The following WDPCP variants were observed in gnomAD, a reference collection of about 807,000 sequenced individuals.
WDPCP encodes the protein WD repeat-containing and planar cell polarity effector protein fritz homolog.
WDPCP carries 71 observed loss-of-function variants against 93.1 expected under a neutral mutation model. The observed-to-expected ratio is 0.76, with a 90% CI of 0.63 to 0.93. WDPCP has a LOEUF of 0.93. WDPCP is among the 40% of genes least tolerant of loss of function. The probability of loss-of-function intolerance (pLI) is 0.00; values close to 1 mark genes in which losing one functional copy is unlikely to be tolerated. For missense variants in WDPCP, 844 were observed against 887.4 expected (o/e 0.95, Z 0.62); for synonymous variants, 315 against 315.0 (o/e 1.00, Z 0.00).
chr2:63,271,689 C>T (rs1386391260), intron 13 of WDPCP, among the ~76,000 whole-genome samples: 1 of 152,204 alleles, frequency 6.6e-6, no homozygotes, highest in Non-Finnish European at 1.5e-5. Context: ...TGCCCACTGC[C>T]ACTGCTTCCA....
chr2:63,280,480 G>C (rs897859799), intron 13 of WDPCP, among the ~76,000 whole-genome samples: 2 of 151,972 alleles, frequency 1.3e-5, no homozygotes, highest in Non-Finnish European at 1.5e-5. Context: ...TTGAGATTTG[G>C]GTGGGGACAC....
At chr2:63,596,819 G>C (rs536562973) in intron 3 of WDPCP, among the ~76,000 whole-genome samples, 5 of 152,304 alleles carry the variant, frequency 3.3e-5, no homozygotes, top group African/African-American at 1.2e-4. Flanking sequence ...CATAGTGGTT[G>C]AACTCTGGAC....
At chr2:63,587,759 C>T (rs1708965997) in intron 1 of WDPCP, among the ~76,000 whole-genome samples, 1 of 152,218 alleles carries the variant, frequency 6.6e-6, no homozygotes, top group Non-Finnish European at 1.5e-5. Context: ...ACCAGTGTCT[C>T]CCCTTCAGTC....
chr2:63,209,039 C>G (rs1034395236), intron 14 of WDPCP, among the ~76,000 whole-genome samples: 5 of 152,156 alleles, frequency 3.3e-5, no homozygotes, highest in Non-Finnish European at 7.3e-5. Context: ...GAAGTAACAG[C>G]CCATTAGGGC....
intron 14 of WDPCP, among the ~76,000 whole-genome samples, chr2:63,227,658 GTCTGAGTC>G (rs2104527246): frequency 6.6e-6 from 1 of 152,010 alleles, no homozygotes; most frequent in East Asian, 1.9e-4. Flanking sequence ...GCCACTGACA[GTCTGAGTC>G]TGTGTCCTCA....
At chr2:63,478,825 T>C (rs1700107072) in intron 6 of WDPCP, among the ~76,000 whole-genome samples, 1 of 151,166 alleles carries the variant, frequency 6.6e-6, no homozygotes, top group South Asian at 2.1e-4. Context: ...ATAACAAAGA[T>C]CAGAGCAGAA....
intron 1 of WDPCP, among the ~76,000 whole-genome samples, chr2:63,579,728 A>C (rs1411792299): frequency 6.6e-6 from 1 of 151,274 alleles, no homozygotes; most frequent in African/African-American, 2.4e-5. Flanking sequence ...AATGGAGTAG[A>C]TAGATTAGAT....
chr2:63,477,241 T>G (rs1490320127), intron 6 of WDPCP, among the ~76,000 whole-genome samples: 6 of 152,122 alleles, frequency 3.9e-5, no homozygotes, highest in Non-Finnish European at 7.4e-5. Flanking sequence ...ATGTTAAAAC[T>G]ATTATTCTCT....
intron 1 of WDPCP, among the ~76,000 whole-genome samples, chr2:63,526,409 T>C (rs1703340523): frequency 6.6e-6 from 1 of 152,154 alleles, no homozygotes; most frequent in Non-Finnish European, 1.5e-5. Context: ...GTGGCAACTG[T>C]TTGAAAAGGA....
Position 63,349,121 on chromosome 2 carries a change from A to C in WDPCP, c.1748+29265T>G, listed in dbSNP as rs549004398. Among the ~76,000 whole-genome samples, 75 of 152,304 alleles carry C rather than the reference A, an allele frequency of 4.9e-4. 2 individuals are homozygous for C. Among genetic ancestry groups the C allele is most frequent in the Non-Finnish European group, 4.4e-5 (3 of 68,032 alleles). ...ATTAATAAATCTGTAAAAAATTTACATGGATTGGTTGTTCATGTTAAATTT... is the reference window on the plus strand; with the variant it reads ...ATTAATAAATCTGTAAAAAATTTACCTGGATTGGTTGTTCATGTTAAATTT... On this transcript the variant is annotated intron_variant, in intron 12 of 17. Coordinates refer to ENST00000272321, the MANE Select transcript of WDPCP (RefSeq NM_015910.7).
Position 63,604,795 on chromosome 2 carries a change from G to C in WDPCP, n.488+45864C>G, listed in dbSNP as rs1575726877. ...GTATCCAGATGTCAACCATGCCAAG[G>C]TGAAATTGCAAGGAAAGGAAGTTGG... On this transcript the variant is annotated intron_variant and non_coding_transcript_variant, in intron 3 of 4. Transcript: ENST00000467687. 1 of 1,614,176 alleles carries C rather than the reference G, an allele frequency of 6.2e-7. No homozygotes were observed. Among genetic ancestry groups the C allele is most frequent in the Non-Finnish European group, 8.5e-7 (1 of 1,180,022 alleles).
chr2:63,469,215 G>A (rs1236931840), intron 6 of WDPCP, among the ~76,000 whole-genome samples: 1 of 152,210 alleles, frequency 6.6e-6, no homozygotes, highest in Non-Finnish European at 1.5e-5. Flanking sequence ...TGGTGAGGTT[G>A]CAGAGAAAAG....
chr2:63,424,576 C>T (rs1696121352), intron 9 of WDPCP, among the ~76,000 whole-genome samples: 1 of 152,220 alleles, frequency 6.6e-6, no homozygotes, highest in Admixed American at 6.5e-5. Flanking sequence ...GTACCCAAAC[C>T]AGGGGCCAGA....
chr2:63,568,643 T>A (rs547685342), intron 1 of WDPCP, among the ~76,000 whole-genome samples: 44 of 152,296 alleles, frequency 2.9e-4, no homozygotes, highest in African/African-American at 1.0e-3. Flanking sequence ...CCAGTTTCCA[T>A]TGGCTGGAAT....
At chr2:63,833,377 C>T in the WDPCP span, among the ~76,000 whole-genome samples, 1 of 152,030 alleles carries the variant, frequency 6.6e-6, no homozygotes, top group Admixed American at 6.6e-5. Flanking sequence ...GTAATTTATC[C>T]AAGGTTACTC....
At chr2:63,122,090 A>G in intron 17 of WDPCP, 34 bp from the exon 18 acceptor site, 14 of 1,507,734 alleles carry the variant, frequency 9.3e-6, no homozygotes, top group Non-Finnish European at 7.4e-6. Context: ...ATGTTTAAGC[A>G]GAGTAAAAAG....
At chr2:63,510,708 T>C (rs890992481) in intron 1 of WDPCP, among the ~76,000 whole-genome samples, 10 of 152,256 alleles carry the variant, frequency 6.6e-5, no homozygotes, top group African/African-American at 2.4e-4. Flanking sequence ...GCATGGTGGC[T>C]CACGCCTGTA....
chr2:63,682,210 T>A (rs904937984), intron 2 of WDPCP, among the ~76,000 whole-genome samples: 1 of 152,172 alleles, frequency 6.6e-6, no homozygotes, highest in Non-Finnish European at 1.5e-5. Context: ...GGACCAATCA[T>A]GGAGAAACAG....
At chr2:63,135,242 G>A (rs1305749506) in intron 17 of WDPCP, among the ~76,000 whole-genome samples, 5 of 152,198 alleles carry the variant, frequency 3.3e-5, no homozygotes, top group African/African-American at 1.2e-4. Context: ...CTCAGTGAAC[G>A]TGTTCATAAA....
Sources: gnomAD v4.1 joint callset for allele counts (sites outside exome capture counted in the v4.1 genomes callset) on GRCh38, gnomAD v4.1.1 for gene constraint, MANE v1.5 for transcripts, NCBI Gene and HGNC (gene_info 2026-07-23, HGNC 2026-07-21) for gene names.